Variants in WWOX observed in about 807,000 individuals in gnomAD.
WWOX encodes WW domain-containing oxidoreductase.
WWOX carries 69 observed loss-of-function variants against 46.2 expected under a neutral mutation model. The ratio of observed to expected loss-of-function variants is 1.49; its 90% CI spans 1.23 to 1.82. WWOX has a LOEUF of 1.82. Ranked by LOEUF, WWOX falls within the 40% of genes most tolerant of loss-of-function variation. The pLI is 0.00. For synonymous variants in WWOX, 359 were observed against 202.6 expected, an observed-to-expected ratio of 1.77 and a Z score of -6.56; for missense variants, 919 against 542.6, an observed-to-expected ratio of 1.69 and a Z score of -6.89.
Position 78,726,189 on chromosome 16 carries a change from T to TTTCC in WWOX, c.1056+293453_1056+293456dup, listed in dbSNP as rs1181857912. On this transcript the variant is annotated intron_variant, in intron 8 of 8. Coordinates refer to ENST00000566780, the MANE Select transcript of WWOX (RefSeq NM_016373.4). Reference sequence around the variant, plus strand: ...TGTCTCTCTTTTCTCTCTCTCTCTCTTTCCTTCCTTCCTTCCTTCTTTTCT... The same window carrying TTTCC: ...TGTCTCTCTTTTCTCTCTCTCTCTCTTTCCTTCCTTCCTTCCTTCCTTCTTTTCT... 2.3e-4 allele frequency among the ~76,000 whole-genome samples: 35 copies of TTTCC among 149,068 alleles called. 1 individual carries two copies. Among genetic ancestry groups the TTTCC allele is most frequent in the Middle Eastern group, 3.4e-3 (1 of 292 alleles).
rs148889582 is a variant in WWOX at position 78,496,559 on chromosome 16, C to T, written c.1056+63807C>T. On this transcript the variant is annotated intron_variant, in intron 8 of 8. Transcript: ENST00000566780. ...GTGTACCATTCTATGACCATTGAAT[C>T]TCCATGGACATGTTTTGGGAAATGG... The T allele has an allele frequency of 2.4e-4, 37 of 152,304 alleles. No individual in the cohort carries two copies. In the East Asian group the frequency reaches 7.1e-3, roughly 29 times the overall value. 9.4% of individuals were successfully genotyped at this position (152,304 alleles called of 1,614,324 possible).
chr16:78,323,151 A>C (rs1013313364), intron 5 of WWOX, among the ~76,000 whole-genome samples: 1 of 152,112 alleles, frequency 6.6e-6, no homozygotes, highest in African/African-American at 2.4e-5. Context: ...TCTGTTGCCC[A>C]GGCTGGAGTA....
intron 8 of WWOX, among the ~76,000 whole-genome samples, chr16:78,485,617 C>A (rs779842335): frequency 2.6e-5 from 4 of 152,174 alleles, no homozygotes; most frequent in Non-Finnish European, 4.4e-5. Context: ...CGCATTTGTT[C>A]AGCTCTGTGT....
At chr16:78,767,663 C>G (rs538997896) in intron 8 of WWOX, among the ~76,000 whole-genome samples, 1 of 152,092 alleles carries the variant, frequency 6.6e-6, no homozygotes, top group Non-Finnish European at 1.5e-5. Context: ...CAACAGCAGC[C>G]GCATCATTTT....
chr16:78,646,396 C>T (rs1162636997), intron 8 of WWOX, among the ~76,000 whole-genome samples: 1 of 152,066 alleles, frequency 6.6e-6, no homozygotes, highest in Non-Finnish European at 1.5e-5. Flanking sequence ...GCCCTTCTTT[C>T]CTTAGCCTCC....
chr16:78,882,018 C>G (rs1243901495), intron 8 of WWOX, among the ~76,000 whole-genome samples: 1 of 152,098 alleles, frequency 6.6e-6, no homozygotes, highest in African/African-American at 2.4e-5. Flanking sequence ...CCCAGCTACT[C>G]TGAAGGCTGA....
chr16:79,037,279 C>G (rs935967268), intron 8 of WWOX, among the ~76,000 whole-genome samples: 1 of 152,184 alleles, frequency 6.6e-6, no homozygotes, highest in African/African-American at 2.4e-5. Context: ...GCTTCTTTTC[C>G]TACCCTGCCT....
At chr16:78,564,868 C>T (rs1053257406) in intron 8 of WWOX, among the ~76,000 whole-genome samples, 11 of 152,004 alleles carry the variant, frequency 7.2e-5, no homozygotes, top group African/African-American at 2.7e-4. Context: ...CTTTTGCTCC[C>T]TTTTCTCCCC....
intron 6 of WWOX, among the ~76,000 whole-genome samples, chr16:78,424,379 C>T (rs1041415982): frequency 6.6e-6 from 1 of 152,166 alleles, no homozygotes; most frequent in African/African-American, 2.4e-5. Context: ...CTTGGCCTCC[C>T]AAAGTGCTGG....
Position 78,811,172 on chromosome 16 carries a change from A to G in WWOX, c.1056+378420A>G, listed in dbSNP as rs533019169. Among the ~76,000 whole-genome samples the G allele has an allele frequency of 4.3e-4, 65 of 152,308 alleles. 1 individual carries two copies. The South Asian group carries it at 0.013, about 31-fold the overall frequency. Reference sequence around the variant, plus strand: ...TTGGTAATTCAGTATCCGAAAAACAATCAGTGTTTTGTGACATTCTTAGTT... The same window carrying G: ...TTGGTAATTCAGTATCCGAAAAACAGTCAGTGTTTTGTGACATTCTTAGTT... On this transcript the variant is annotated intron_variant, in intron 8 of 8. Transcript: ENST00000566780.
In WWOX at chr16:78,432,597, A is replaced by T. The variant is rs2083250797; in HGVS notation, c.901A>T (p.Ile301Phe). Residue 301 changes from isoleucine to phenylalanine, a missense_variant, in exon 8 of 9, where the codon ATC becomes TTC. Physicochemically the swap from Ile to Phe is conservative, Grantham distance 21. Coordinates refer to ENST00000566780, the MANE Select transcript of WWOX (RefSeq NM_016373.4). ...LAYNRSKLCN[I>F]LFSNELHRRL... Reference sequence around the variant, plus strand: ...TTATAACAGGTCCAAGCTCTGCAACATCCTCTTCTCCAACGAGCTGCACCG... The same window carrying T: ...TTATAACAGGTCCAAGCTCTGCAACTTCCTCTTCTCCAACGAGCTGCACCG... The T allele has an allele frequency of 6.2e-7, 1 of 1,614,088 alleles. No homozygotes were observed. The highest frequency in any genetic ancestry group is 8.5e-7 in the Non-Finnish European group (1 of 1,180,048).
intron 8 of WWOX, among the ~76,000 whole-genome samples, chr16:78,564,981 T>A (rs1380965305): frequency 6.6e-6 from 1 of 152,116 alleles, no homozygotes; most frequent in African/African-American, 2.4e-5. Flanking sequence ...GAAAACAACA[T>A]CAAAGGATAC....
chr16:78,727,005 C>G (rs139668312), intron 8 of WWOX, among the ~76,000 whole-genome samples: 2 of 152,284 alleles, frequency 1.3e-5, no homozygotes, highest in African/African-American at 2.4e-5. Context: ...GAGAGCAGCC[C>G]TCTACATCTT....
At chr16:78,794,967 T>C (rs2050699525) in intron 8 of WWOX, among the ~76,000 whole-genome samples, 1 of 152,252 alleles carries the variant, frequency 6.6e-6, no homozygotes, top group Admixed American at 6.5e-5. Context: ...GTTATCATCA[T>C]CACGTAAGCA....
intron 8 of WWOX, among the ~76,000 whole-genome samples, chr16:78,731,434 G>A (rs1274557116): frequency 6.6e-6 from 1 of 152,124 alleles, no homozygotes; most frequent in Non-Finnish European, 1.5e-5. Context: ...TGATCCCTTT[G>A]AATCTTCAGT....
At chr16:78,337,050 G>A (rs2080908037) in intron 5 of WWOX, among the ~76,000 whole-genome samples, 1 of 152,146 alleles carries the variant, frequency 6.6e-6, no homozygotes, top group African/African-American at 2.4e-5. Flanking sequence ...TAAAGGGTTG[G>A]GATTACAGGT....
intron 8 of WWOX, among the ~76,000 whole-genome samples, chr16:79,172,522 C>T (rs748639700): frequency 6.6e-5 from 10 of 152,124 alleles, no homozygotes; most frequent in Non-Finnish European, 1.2e-4. Context: ...TTTGCTCCTC[C>T]TCACTGAGTG....
chr16:78,517,854 T>C (rs2043270429), intron 8 of WWOX, among the ~76,000 whole-genome samples: 1 of 98,854 alleles, frequency 1.0e-5, no homozygotes, highest in African/African-American at 3.6e-5. Flanking sequence ...TTACACAACC[T>C]ATTTTTTTTT....
intron 8 of WWOX, among the ~76,000 whole-genome samples, chr16:78,608,812 C>G (rs962860870): frequency 1.3e-5 from 2 of 152,156 alleles, no homozygotes; most frequent in Non-Finnish European, 2.9e-5. Flanking sequence ...TATCTGTTCC[C>G]TCCCTTTATT....
Sources: allele counts gnomAD v4.1 joint callset (sites outside exome capture counted in the v4.1 genomes callset), GRCh38; gene constraint gnomAD v4.1.1; transcripts MANE v1.5; gene names NCBI Gene and HGNC (gene_info 2026-07-23, HGNC 2026-07-21).